The following ANTXRL variants were observed in gnomAD, a reference collection of about 807,000 sequenced individuals.
The protein encoded by ANTXRL is anthrax toxin receptor-like.
Under a neutral mutation model 75.4 loss-of-function variants are expected in ANTXRL, and 63 were observed. The ratio of observed to expected loss-of-function variants is 0.84; its 90% CI spans 0.68 to 1.03. The LOEUF is 1.03. Among genes scored for constraint, ANTXRL ranks in the 50% least tolerant of loss-of-function variants. The pLI is 0.00. For synonymous variants in ANTXRL, 335 were observed against 291.3 expected (o/e 1.15, Z -1.53); for missense variants, 797 against 789.4 (o/e 1.01, Z -0.12).
At chr10:46,303,184 G>GT (rs1434572697) in intron 10 of ANTXRL, among the ~76,000 whole-genome samples, 5 of 152,156 alleles carry the variant, frequency 3.3e-5, no homozygotes, top group Admixed American at 6.6e-5. Context: ...CTAGGAAATG[G>GT]TGGCAGCCCC....
At chr10:46,318,161 G>A (rs1371725615) in intron 16 of ANTXRL, among the ~76,000 whole-genome samples, 1 of 152,164 alleles carries the variant, frequency 6.6e-6, no homozygotes. Context: ...TCCCTCAGCA[G>A]TGGGTAAACA....
chr10:46,301,181 C>T lies in ANTXRL; in HGVS notation c.797-1541C>T, dbSNP rs529259576. On this transcript the variant is annotated intron_variant, in intron 9 of 16. Coordinates refer to ENST00000620264, the MANE Select transcript of ANTXRL (RefSeq NM_001278688.3). The stretch of plus-strand genomic sequence containing the variant: ...GGCCACAGGCCCAGTTGCTCCCTCC[C>T]GGGCACACACTGAGCCTAGTGTCTG... Among the ~76,000 whole-genome samples, 223 of 152,364 alleles carry T rather than the reference C, an allele frequency of 1.5e-3. 3 individuals carry two copies. The highest frequency in any genetic ancestry group is 4.9e-3 in the African/African-American group (202 of 41,574).
At chr10:46,327,642 G>A (rs1839289262) in intron 16 of ANTXRL, among the ~76,000 whole-genome samples, 1 of 152,128 alleles carries the variant, frequency 6.6e-6, no homozygotes, top group Non-Finnish European at 1.5e-5. Context: ...CTCTGTAGGG[G>A]AATCCAGCAT....
chr10:46,311,695 G>A, intron 15 of ANTXRL, 30 bp downstream of exon 15: 1 of 823,796 alleles, frequency 1.2e-6, no homozygotes, highest in Non-Finnish European at 2.0e-6. Flanking sequence ...GAGGGGCTGT[G>A]ACCCCAGCAT....
Position 46,309,308 on chromosome 10 carries a change from C to T in ANTXRL, c.1134+106C>T, listed in dbSNP as rs1292114920. On this transcript the variant is annotated intron_variant, in intron 13 of 16. Coordinates refer to ENST00000620264, the MANE Select transcript of ANTXRL (RefSeq NM_001278688.3). ...CGTGATCCCGCCTGTGGGAAGTTTC[C>T]CTCAGCTCCCAGCTCATCACGTGAG... 9.2e-5 allele frequency: 139 copies of T among 1,516,394 alleles called. 1 individual carries two copies. Among genetic ancestry groups the T allele is most frequent in the Non-Finnish European group, 1.2e-4 (135 of 1,134,962 alleles). 93.9% of individuals were successfully genotyped at this position (1,516,394 alleles called of 1,614,324 possible).
chr10:46,299,679 C>G (rs868951318), intron 9 of ANTXRL, among the ~76,000 whole-genome samples: 5 of 152,216 alleles, frequency 3.3e-5, no homozygotes, highest in African/African-American at 9.7e-5. Flanking sequence ...CTGAGCTCTG[C>G]TCTCCATGGG....
Position 46,287,106 on chromosome 10 carries a change from C to A in ANTXRL, c.-157C>A, listed in dbSNP as rs1836795128. ...TAGTCCCTGCGATCTGGGGAGGTAC[C>A]TGGTGGAGGGCCATAGTGTGCACTG... is the stretch of plus-strand genomic sequence containing the variant. On this transcript the variant is annotated 5_prime_UTR_variant, in exon 1 of 17. It adds an upstream start codon to the 5' untranslated region. Coordinates refer to ENST00000620264, the MANE Select transcript of ANTXRL (RefSeq NM_001278688.3). 1 of 959,052 alleles carries A rather than the reference C, an allele frequency of 1.0e-6. No individual in the cohort carries two copies. Among genetic ancestry groups the A allele is most frequent in the Non-Finnish European group, 1.5e-6 (1 of 665,690 alleles). 59.4% of individuals were successfully genotyped at this position (959,052 alleles called of 1,614,324 possible).
Position 46,307,743 on chromosome 10 carries a change from G to T in ANTXRL, c.1044+263G>T, listed in dbSNP as rs548495305. On this transcript the variant is annotated intron_variant, in intron 12 of 16. Coordinates refer to ENST00000620264, the MANE Select transcript of ANTXRL (RefSeq NM_001278688.3). ...GGAGGATTCCACACACTGCCGTCAGGGTATGTGTGTGCTGCTGAACTGGTG... is the reference window on the plus strand; with the variant it reads ...GGAGGATTCCACACACTGCCGTCAGTGTATGTGTGTGCTGCTGAACTGGTG... Among the ~76,000 whole-genome samples, 7 of 152,230 alleles carry T rather than the reference G, an allele frequency of 4.6e-5. No individual in the cohort carries two copies. The South Asian group carries it at 1.2e-3, about 27-fold the overall frequency.
At chr10:46,289,609 C>G (rs1554956012) in intron 1 of ANTXRL, among the ~76,000 whole-genome samples, 1 of 151,176 alleles carries the variant, frequency 6.6e-6, no homozygotes, top group African/African-American at 2.5e-5. Flanking sequence ...TGCCTCCACT[C>G]CCAGCTACTC....
intron 1 of ANTXRL, 73 bp downstream of exon 1, chr10:46,287,583 C>T: frequency 1.4e-6 from 2 of 1,471,342 alleles, no homozygotes; most frequent in Non-Finnish European, 1.8e-6. Flanking sequence ...AGGGACAGGA[C>T]ACCACTCAAG....
At chr10:46,319,266 A>C (rs1482758350) in intron 16 of ANTXRL, among the ~76,000 whole-genome samples, 2 of 152,188 alleles carry the variant, frequency 1.3e-5, no homozygotes, top group Non-Finnish European at 2.9e-5. Context: ...ACTCTCTGTC[A>C]CCATCAAAAA....
intron 11 of ANTXRL, among the ~76,000 whole-genome samples, chr10:46,307,126 A>G (rs1228368017): frequency 3.9e-5 from 6 of 152,176 alleles, no homozygotes; most frequent in African/African-American, 1.4e-4. Flanking sequence ...CCTTTGCTCC[A>G]GGTTGCCTCT....
chr10:46,317,655 T>C (rs946122533), intron 16 of ANTXRL, among the ~76,000 whole-genome samples: 12 of 152,064 alleles, frequency 7.9e-5, no homozygotes, highest in African/African-American at 2.9e-4. Flanking sequence ...ACTTTGGTAT[T>C]GCAATTACAG....
chr10:46,307,005 C>T, intron 11 of ANTXRL, 133 bp downstream of exon 11: 1 of 740,760 alleles, frequency 1.3e-6, no homozygotes, highest in South Asian at 1.9e-5. Context: ...GCAAAGAGCA[C>T]CCTCCTCCCC....
At position 46,300,066 on chromosome 10, in the gene ANTXRL, C is replaced by T. The variant is rs1481372809; in HGVS notation, c.796+2004C>T. 2.6e-5 allele frequency among the ~76,000 whole-genome samples: 4 copies of T among 152,204 alleles called. No homozygotes were observed. The East Asian group carries it at 7.7e-4, about 29-fold the overall frequency. On this transcript the variant is annotated intron_variant, in intron 9 of 16. Coordinates refer to ENST00000620264, the MANE Select transcript of ANTXRL (RefSeq NM_001278688.3). ...CGCACAGCCTGTGGCGTCTGAGCAGCCCTGTCAACCCCAGGTGAGGATGTG... is the reference window on the plus strand; with the variant it reads ...CGCACAGCCTGTGGCGTCTGAGCAGTCCTGTCAACCCCAGGTGAGGATGTG...
At chr10:46,313,159 G>A (rs1554963911) in intron 15 of ANTXRL, 77 bp from the exon 16 acceptor site, 9 of 1,274,846 alleles carry the variant, frequency 7.1e-6, no homozygotes, top group South Asian at 1.3e-5. Context: ...AGAGCTGTGG[G>A]GGGCTGGGGA....
At position 46,327,456 on chromosome 10, in the gene ANTXRL, A is replaced by G. The variant is rs375175702; in HGVS notation, c.1411-2143A>G. Among the ~76,000 whole-genome samples the G allele has an allele frequency of 9.9e-3, 1,507 of 151,938 alleles. 33 individuals carry two copies. The highest frequency in any genetic ancestry group is 0.032 in the African/African-American group (1,345 of 41,410). ...GGTGGCAGGAGCCCAATCGGGCATG[A>G]AGGAGGGTGGACAGGCAGCTGCAGA... On this transcript the variant is annotated intron_variant, in intron 16 of 16. Transcript: ENST00000620264.
intron 9 of ANTXRL, 149 bp from the exon 10 acceptor site, chr10:46,302,573 A>ACAC (rs1159340598): frequency 3.2e-6 from 2 of 624,966 alleles, no homozygotes; most frequent in Non-Finnish European, 2.8e-6. Flanking sequence ...GACCTAGTGG[A>ACAC]CACATAGATG....
rs190624627 is a variant in ANTXRL at position 46,310,586 on chromosome 10, G to C, written c.1173+87G>C. The C allele has an allele frequency of 1.1e-5, 15 of 1,352,308 alleles. 1 individual carries two copies. The East Asian group carries it at 3.5e-4, about 32-fold the overall frequency. 83.8% of individuals were successfully genotyped at this position (1,352,308 alleles called of 1,614,324 possible). On this transcript the variant is annotated intron_variant, in intron 14 of 16. Transcript: ENST00000620264. ...GAGTGCCATGAAGCCTGCGCCCCAT[G>C]ATCTCCATCTGCTTGAGCAGAGAAG...
Sources: allele counts gnomAD v4.1 joint callset (sites outside exome capture counted in the v4.1 genomes callset), GRCh38; gene constraint gnomAD v4.1.1; transcripts MANE v1.5; gene names NCBI Gene and HGNC (gene_info 2026-07-23, HGNC 2026-07-21).